The following ZNF850 variants were observed in gnomAD, a reference collection of about 807,000 sequenced individuals.
ZNF850 encodes the protein putative zinc finger protein ENSP00000330994.
A neutral mutation model predicts 11.9 loss-of-function variants in ZNF850; 2 were observed. The observed-to-expected ratio is 0.17, with a 90% CI of 0.07 to 0.53. The LOEUF (loss-of-function observed/expected upper bound fraction) is 0.53, where lower values mean the gene tolerates loss of function less well. Among genes scored for constraint, ZNF850 ranks in the 20% least tolerant of loss-of-function variants. ZNF850 has a pLI of 0.94. For missense variants in ZNF850, 1,014 were observed against 1,316.4 expected (o/e 0.77, Z 3.55); for synonymous variants, 381 against 443.0 (o/e 0.86, Z 1.76).
At position 36,749,295 on chromosome 19, in the gene ZNF850, A is replaced by G; in HGVS notation, c.1745T>C (p.Ile582Thr). ...GTGATAGGGTTTCTCACCAGTGTGAATTCGCTGATGTTGAATTAGTGCTGA... is the reference window on the plus strand; with the variant it reads ...GTGATAGGGTTTCTCACCAGTGTGAGTTCGCTGATGTTGAATTAGTGCTGA... ...SRSALIQHQR[I>T]HTGEKPYHCK... is the part of the protein sequence containing the mutation. Residue 582 changes from isoleucine to threonine, a missense_variant, in exon 5 of 5, where the codon ATT (isoleucine) becomes ACT (threonine). Coordinates refer to ENST00000591344, the MANE Select transcript of ZNF850 (RefSeq NM_001193552.2). 1 of 1,569,352 alleles carries G rather than the reference A, an allele frequency of 6.4e-7. No individual in the cohort carries two copies. The highest frequency in any genetic ancestry group is 8.6e-7 in the Non-Finnish European group (1 of 1,161,430).
In ZNF850 at chr19:36,748,510, T is replaced by C. The variant is rs2040427882; in HGVS notation, c.2530A>G (p.Lys844Glu). The change falls in exon 5 of 5, where the codon AAA (lysine) becomes GAA (glutamate). Residue 844 changes from lysine (K) to glutamate (E), a missense_variant. Around this residue, in one of 2 missense-constraint regions of ZNF850, gnomAD observed 835 missense variants for 1,022.0 expected, o/e 0.82. Coordinates refer to ENST00000591344, the MANE Select transcript of ZNF850 (RefSeq NM_001193552.2). ...GAAGTAAAAGATTTCCCACATTCTT[T>C]ACAACTGTAGCGTTTCTCACCAGTG... Reference protein sequence around the residue: ...VHTGEKRYSCKECGKSFTSRS... With the variant: ...VHTGEKRYSCEECGKSFTSRS... 1.3e-6 allele frequency: 2 copies of C among 1,538,546 alleles called. No individual in the cohort carries two copies. Among genetic ancestry groups the C allele is most frequent in the African/African-American group, 2.7e-5 (2 of 73,156 alleles).
rs1472116952 is a variant in ZNF850, at chr19:36,748,755, C to A, written c.2285G>T (p.Cys762Phe). The A allele has an allele frequency of 6.5e-7, 1 of 1,548,974 alleles. No homozygotes were observed. Among genetic ancestry groups the A allele is most frequent in the African/African-American group, 1.4e-5 (1 of 73,336 alleles). Reference protein sequence around the residue: ...TGEKPYDCKECGKSFTSHSTL... With the variant: ...TGEKPYDCKEFGKSFTSHSTL... ...TGAGTGAGAAGTAAAAGATTTCCCA[C>A]ATTCCTTACAATCATAGGGTTTCTC... Residue 762 changes from cysteine (C) to phenylalanine (F), a missense_variant, in exon 5 of 5, where the codon TGT becomes TTT. This residue lies in a region of ZNF850 where 835 missense variants were observed against 1,022.0 expected (regional missense o/e 0.82). Transcript: ENST00000591344.
chr19:36,767,231 A>G (rs1235821477), intron 1 of ZNF850, among the ~76,000 whole-genome samples: 1 of 150,026 alleles, frequency 6.7e-6, no homozygotes, highest in African/African-American at 2.5e-5. Context: ...AGCGAGACTC[A>G]GTATCAAAAT....
In ZNF850 at chr19:36,748,529, A is replaced by T; in HGVS notation, c.2511T>A (p.Gly837=). 4.6e-6 allele frequency: 7 copies of T among 1,537,552 alleles called. No homozygotes were observed. The highest frequency in any genetic ancestry group is 6.1e-6 in the Non-Finnish European group (7 of 1,146,988). Residue 837 remains glycine (G), a synonymous_variant, in exon 5 of 5, where the codon GGT becomes GGA. Transcript: ENST00000591344. ...ATTCTTTACAACTGTAGCGTTTCTC[A>T]CCAGTGTGAACTGGCCGATGTTGAA... is the stretch of plus-strand genomic sequence containing the variant. ...ALIQHRPVHT[G]EKRYSCKECG... is the part of the protein sequence containing the mutation.
intron 4 of ZNF850, among the ~76,000 whole-genome samples, chr19:36,759,335 TGTG>T (rs977008147): frequency 1.3e-5 from 2 of 151,668 alleles, no homozygotes; most frequent in African/African-American, 4.8e-5. Flanking sequence ...ATTGACTGGG[TGTG>T]GTGGTGTGTG....
At chr19:36,770,722 A>AAAAAAAC (rs2040576454) in intron 1 of ZNF850, among the ~76,000 whole-genome samples, 1 of 74,550 alleles carries the variant, frequency 1.3e-5, no homozygotes, top group Admixed American at 1.2e-4. Context: ...AAAAAAAAAA[A>AAAAAAAC]AAAAAAAAAA....
In ZNF850 at chr19:36,747,530, G is replaced by A. The variant is rs532227763; in HGVS notation, c.*237C>T. On this transcript the variant is annotated 3_prime_UTR_variant, in exon 5 of 5. Coordinates refer to ENST00000591344, the MANE Select transcript of ZNF850 (RefSeq NM_001193552.2). ...AGGTACCTGTAGTCCCAGCTACTAG[G>A]GAGGCTGAGGCAGGAGAATGGCATG... 71 of 354,808 alleles carry A rather than the reference G, an allele frequency of 2.0e-4. 1 individual carries two copies. The highest frequency in any genetic ancestry group is 1.3e-3 in the African/African-American group (65 of 48,176). 22.0% of individuals were successfully genotyped at this position (354,808 alleles called of 1,614,324 possible). A position where few individuals can be genotyped will look rare whatever the true frequency, so the allele number is the denominator to read the frequency against.
chr19:36,749,697 G>C lies in ZNF850; in HGVS notation c.1343C>G (p.Pro448Arg). The change falls in exon 5 of 5, where the codon CCC (proline) becomes CGC (arginine). Residue 448 changes from proline to arginine, a missense_variant. This residue lies in a region of ZNF850 where 835 missense variants were observed against 1,022.0 expected (regional missense o/e 0.82). Coordinates refer to ENST00000591344, the MANE Select transcript of ZNF850 (RefSeq NM_001193552.2). ...QHQRIHTGEK[P>R]YDCKECGKSF... ...TTTCCCACACTCCTTACAATCATAG[G>C]GTTTCTCACCAGTGTGAATTCGCTG... is the stretch of plus-strand genomic sequence containing the variant. The C allele has an allele frequency of 1.3e-6, 2 of 1,560,192 alleles. No individual in the cohort carries two copies. The highest frequency in any genetic ancestry group is 1.7e-6 in the Non-Finnish European group (2 of 1,154,728).
At chr19:36,766,842 C>A (rs1440283534) in intron 1 of ZNF850, among the ~76,000 whole-genome samples, 2 of 152,198 alleles carry the variant, frequency 1.3e-5, no homozygotes, top group African/African-American at 4.8e-5. Context: ...GTGGCTCATG[C>A]CTGTAGTCCC....
Position 36,748,085 on chromosome 19 carries a change from T to G in ZNF850, c.2955A>C (p.Glu985Asp). The G allele has an allele frequency of 6.4e-7, 1 of 1,555,670 alleles. No homozygotes were observed. The highest frequency in any genetic ancestry group is 8.7e-7 in the Non-Finnish European group (1 of 1,153,744). ...HTGDRPYECK[E>D]CGKSFTCGSE... ...AGCCGCAAGTAAAAGATTTCCCACATTCTTTACATTCATAAGGTCTGTCAC... is the reference window on the plus strand; with the variant it reads ...AGCCGCAAGTAAAAGATTTCCCACAGTCTTTACATTCATAAGGTCTGTCAC... The change falls in exon 5 of 5, where the codon GAA (glutamate) becomes GAC (aspartate). Residue 985 changes from glutamate to aspartate, a missense_variant. Transcript: ENST00000591344.
intron 2 of ZNF850, 53 bp downstream of exon 2, chr19:36,762,542 C>G: frequency 5.9e-6 from 9 of 1,536,152 alleles, no homozygotes; most frequent in Non-Finnish European, 7.8e-6. Flanking sequence ...AGCAGACCAG[C>G]TAGGATGAGA....
intron 3 of ZNF850, among the ~76,000 whole-genome samples, chr19:36,762,095 G>A (rs899382045): frequency 5.3e-5 from 8 of 150,990 alleles, no homozygotes; most frequent in African/African-American, 1.9e-4. Flanking sequence ...TGCTGTTCCT[G>A]AATTCAAAGT....
intron 4 of ZNF850, among the ~76,000 whole-genome samples, chr19:36,754,493 CA>C (rs1196072554): frequency 8.6e-5 from 13 of 152,034 alleles, no homozygotes; most frequent in Non-Finnish European, 2.9e-5. Flanking sequence ...TCTAAATATG[CA>C]AAGTAAAAAT....
chr19:36,746,903 A>T lies in ZNF850; in HGVS notation c.*864T>A, dbSNP rs1408402505. ...CGTGGTGGCTCACACCTGTAATCCC[A>T]GCACTTTGGGAGGCCGAGGTAGGGG... is the stretch of plus-strand genomic sequence containing the variant. On this transcript the variant is annotated 3_prime_UTR_variant, in exon 5 of 5. Coordinates refer to ENST00000591344, the MANE Select transcript of ZNF850 (RefSeq NM_001193552.2). The T allele has an allele frequency of 6.6e-6, 1 of 152,116 alleles. No individual in the cohort carries two copies. Among genetic ancestry groups the T allele is most frequent in the African/African-American group, 2.4e-5 (1 of 41,442 alleles). 9.4% of individuals were successfully genotyped at this position (152,116 alleles called of 1,614,324 possible).
At position 36,747,576 on chromosome 19, in the gene ZNF850, C is replaced by T; in HGVS notation, c.*191G>A. On this transcript the variant is annotated 3_prime_UTR_variant, in exon 5 of 5. Coordinates refer to ENST00000591344, the MANE Select transcript of ZNF850 (RefSeq NM_001193552.2). ...GCATGAACCCAGGAGGCAGAGCTTG[C>T]AGTGAGCCGAGATAGCGCCACTGCA... 1 of 492,124 alleles carries T rather than the reference C, an allele frequency of 2.0e-6. No individual in the cohort carries two copies. The highest frequency in any genetic ancestry group is 3.8e-5 in the South Asian group (1 of 26,130). 30.5% of individuals were successfully genotyped at this position (492,124 alleles called of 1,614,324 possible).
At position 36,760,395 on chromosome 19, in the gene ZNF850, C is replaced by T. The variant is rs10417960; in HGVS notation, c.235+1248G>A. 3.9e-3 allele frequency among the ~76,000 whole-genome samples: 587 copies of T among 151,944 alleles called. 5 individuals carry two copies. The highest frequency in any genetic ancestry group is 0.013 in the African/African-American group (547 of 41,422). On this transcript the variant is annotated intron_variant, in intron 4 of 4. Transcript: ENST00000591344. The stretch of plus-strand genomic sequence containing the variant: ...TCAGGATGCAGGGGATGCAGTGAGC[C>T]GAGATCACTCCACTGCACTCCAGCC...
rs533183518 is a variant in ZNF850, at chr19:36,751,644, G to T, written c.236-840C>A. ...GCCCGGGAGGCTGAGGTTGCAGTGA[G>T]CCAAGATCGTACCATTGCACTCCAG... On this transcript the variant is annotated intron_variant, in intron 4 of 4. Coordinates refer to ENST00000591344, the MANE Select transcript of ZNF850 (RefSeq NM_001193552.2). Among the ~76,000 whole-genome samples, 3 of 126,408 alleles carry T rather than the reference G, an allele frequency of 2.4e-5. No individual in the cohort carries two copies. The East Asian group carries it at 7.1e-4, about 30-fold the overall frequency. 82.9% of individuals were successfully genotyped at this position (126,408 alleles called of 152,430 possible). A position where few individuals can be genotyped will look rare whatever the true frequency, so the allele number is the denominator to read the frequency against.
intron 4 of ZNF850, among the ~76,000 whole-genome samples, chr19:36,759,228 T>C (rs2040504558): frequency 6.6e-6 from 1 of 152,130 alleles, no homozygotes; most frequent in Admixed American, 6.6e-5. Context: ...CCCAGCAGTT[T>C]GGGAAAGTGA....
intron 2 of ZNF850, 56 bp downstream of exon 2, chr19:36,762,539 C>T: frequency 6.5e-7 from 1 of 1,536,188 alleles, no homozygotes; most frequent in Non-Finnish European, 8.7e-7. Flanking sequence ...GTGAGCAGAC[C>T]AGCTAGGATG....
Sources: gnomAD v4.1 joint callset for allele counts (sites outside exome capture counted in the v4.1 genomes callset) on GRCh38, gnomAD v4.1.1 for gene constraint, gnomAD v4.1.1 regional missense constraint, MANE v1.5 for transcripts, NCBI Gene and HGNC (gene_info 2026-07-23, HGNC 2026-07-21) for gene names.